The following CENPI variants were observed in gnomAD, a reference collection of about 807,000 sequenced individuals.
The protein encoded by CENPI is FSH primary response 1.
A neutral mutation model predicts 60.4 loss-of-function variants in CENPI; 4 were observed. The ratio of observed to expected loss-of-function variants is 0.07; its 90% CI spans 0.03 to 0.15. CENPI has a LOEUF of 0.15. Among genes scored for constraint, CENPI ranks in the 10% least tolerant of loss-of-function variants. CENPI has a pLI of 1.00. For synonymous variants in CENPI, 157 were observed against 189.4 expected (o/e 0.83, Z 1.40); for missense variants, 444 against 534.5 (o/e 0.83, Z 1.67).
the CENPI span, among the ~76,000 whole-genome samples, chrX:101,172,004 A>G: frequency 4.5e-5 from 5 of 112,047 alleles, no homozygotes; most frequent in Admixed American, 2.9e-4. Flanking sequence ...CAAATATCTG[A>G]ATATTTCTCC....
At chrX:101,116,161 G>T (rs1423186025) in intron 6 of CENPI, among the ~76,000 whole-genome samples, 1 of 111,575 alleles carries the variant, frequency 9.0e-6, no homozygotes, top group East Asian at 2.8e-4. Context: ...TATTTACATA[G>T]CATTTGCATT....
intron 6 of CENPI, among the ~76,000 whole-genome samples, chrX:101,110,840 T>C (rs754687119): frequency 1.8e-5 from 2 of 112,047 alleles, no homozygotes; most frequent in East Asian, 5.6e-4. Flanking sequence ...AAGAAAGCAC[T>C]GTAAATCAAA....
At chrX:101,168,391 C>A (rs745895966), downstream of CENPI, among the ~76,000 whole-genome samples, 1 of 111,728 alleles carries the variant, frequency 9.0e-6, no homozygotes, top group African/African-American at 3.2e-5. Context: ...CATGGCGAAA[C>A]CCTGTCTCTA....
intron 20 of CENPI, among the ~76,000 whole-genome samples, chrX:101,159,658 C>T (rs1286231848): frequency 9.0e-6 from 1 of 110,603 alleles, no homozygotes; most frequent in Non-Finnish European, 1.9e-5. Flanking sequence ...GACGGGGTTT[C>T]ACCATGTTGA....
intron 6 of CENPI, among the ~76,000 whole-genome samples, chrX:101,112,582 A>G (rs1401006658): frequency 8.9e-6 from 1 of 112,209 alleles, no homozygotes; most frequent in Non-Finnish European, 1.9e-5. Flanking sequence ...AAATATTCCT[A>G]CCTTTTCCAA....
intron 16 of CENPI, chrX:101,141,098 C>G (rs1300539553): frequency 8.2e-6 from 1 of 121,363 alleles, no homozygotes; most frequent in Admixed American, 9.2e-5. Context: ...ATATTTAAAG[C>G]CAATTTTCAT....
At chrX:101,102,603 C>T (rs1319159294) in intron 4 of CENPI, among the ~76,000 whole-genome samples, 192 bp downstream of exon 4, 1 of 109,292 alleles carries the variant, frequency 9.1e-6, no homozygotes, top group Non-Finnish European at 1.9e-5. Flanking sequence ...TCAAGTGATC[C>T]TCCCGCCTTG....
At chrX:101,159,097 T>A (rs956552821) in intron 20 of CENPI, among the ~76,000 whole-genome samples, 1 of 111,508 alleles carries the variant, frequency 9.0e-6, no homozygotes, top group African/African-American at 3.3e-5. Context: ...TGGACTGCTT[T>A]GAGATATATT....
chrX:101,127,033 G>A, intron 9 of CENPI, 105 bp from the exon 10 acceptor site: 1 of 725,178 alleles, frequency 1.4e-6, no homozygotes, highest in Non-Finnish European at 2.0e-6. Context: ...TTGTATGGGT[G>A]TAAAGGATTT....
At chrX:101,103,857 A>G (rs1323621842) in intron 4 of CENPI, among the ~76,000 whole-genome samples, 2 of 112,668 alleles carry the variant, frequency 1.8e-5, no homozygotes, top group Non-Finnish European at 3.7e-5. Context: ...CACCAAATAC[A>G]TGAGAACCAT....
intron 20 of CENPI, among the ~76,000 whole-genome samples, chrX:101,150,313 A>G (rs887638738): frequency 1.9e-5 from 2 of 107,017 alleles, no homozygotes; most frequent in African/African-American, 3.4e-5. Flanking sequence ...TTTTACATGC[A>G]GTTAGGTACA....
At chrX:101,161,975 C>T (rs2090111634) in intron 21 of CENPI, among the ~76,000 whole-genome samples, 1 of 109,276 alleles carries the variant, frequency 9.2e-6, no homozygotes, top group Non-Finnish European at 1.9e-5. Context: ...GAGTCTTGCT[C>T]TGTCCCCCAG....
chrX:101,145,611 G>A (rs182152831), intron 17 of CENPI, among the ~76,000 whole-genome samples: 1 of 108,507 alleles, frequency 9.2e-6, no homozygotes. Context: ...TATAGTATAT[G>A]ACCTGGACAG....
At chrX:101,136,804 G>A (rs574555931) in intron 15 of CENPI, among the ~76,000 whole-genome samples, 3 of 112,077 alleles carry the variant, frequency 2.7e-5, no homozygotes, top group African/African-American at 6.5e-5. Context: ...ATCAGAATAC[G>A]TAATTAACAT....
chrX:101,154,918 T>C (rs1280124078), intron 20 of CENPI, among the ~76,000 whole-genome samples: 8 of 112,085 alleles, frequency 7.1e-5, no homozygotes, highest in African/African-American at 2.3e-4. Context: ...ATTGATCTTA[T>C]ATCTCATAAT....
At chrX:101,129,443 C>T (rs1041978227) in intron 12 of CENPI, among the ~76,000 whole-genome samples, 18 of 110,741 alleles carry the variant, frequency 1.6e-4, no homozygotes, top group Non-Finnish European at 2.6e-4. Flanking sequence ...TTTCTTTTGA[C>T]CAAATTTGAG....
rs1168386948 is a variant in CENPI, at chrX:101,101,160, G to C, written c.90G>C (p.Trp30Cys). 2 of 1,209,070 alleles carry C rather than the reference G, an allele frequency of 1.7e-6. No homozygotes were observed. The highest frequency in any genetic ancestry group is 4.4e-5 in the Admixed American group (2 of 45,635). The change falls in exon 3 of 22, where the codon TGG becomes TGC. Residue 30 changes from tryptophan (W) to cysteine (C), a missense_variant. Physicochemically the swap from Trp to Cys is radical, Grantham distance 215. Transcript: ENST00000682095. Reference protein sequence around the residue: ...SSSFQTTLSAWKVKQDPSNSK... With the variant: ...SSSFQTTLSACKVKQDPSNSK... ...GTTTTCAGACCACGCTTTCAGCCTG[G>C]AAAGTAAAACAGGATCCAAGCAACT...
intron 6 of CENPI, among the ~76,000 whole-genome samples, chrX:101,115,216 G>A (rs2089607623): frequency 9.1e-6 from 1 of 109,778 alleles, no homozygotes; most frequent in African/African-American, 3.3e-5. Flanking sequence ...CGCCCTCCTT[G>A]GCCTCCCAAA....
chrX:101,102,463 T>G, intron 4 of CENPI, 52 bp downstream of exon 4: 1 of 840,785 alleles, frequency 1.2e-6, no homozygotes, highest in Non-Finnish European at 1.6e-6. Flanking sequence ...GCACCTATAT[T>G]TTTTTCTTTT....
Sources: allele counts gnomAD v4.1 joint callset (sites outside exome capture counted in the v4.1 genomes callset), GRCh38; gene constraint gnomAD v4.1.1; transcripts MANE v1.5; gene names NCBI Gene and HGNC (gene_info 2026-07-23, HGNC 2026-07-21).